Variants in STARD13 observed in about 807,000 individuals in gnomAD.
The protein encoded by STARD13 is StAR related lipid transfer domain containing 13.
A neutral mutation model predicts 106.4 loss-of-function variants in STARD13; 62 were observed. The observed-to-expected ratio is 0.58, with a 90% CI of 0.48 to 0.72. STARD13 has a LOEUF of 0.72. Ranked by LOEUF, STARD13 falls within the 30% of genes least tolerant of loss-of-function variation. The pLI is 0.00. For missense variants in STARD13, 1,387 were observed against 1,424.0 expected, an observed-to-expected ratio of 0.97 and a Z score of 0.42; for synonymous variants, 565 against 553.0, an observed-to-expected ratio of 1.02 and a Z score of -0.31.
At chr13:33,131,220 T>G (rs1454541284) in intron 4 of STARD13, among the ~76,000 whole-genome samples, 2 of 152,178 alleles carry the variant, frequency 1.3e-5, no homozygotes, top group Admixed American at 6.5e-5. Context: ...AATCATCGGA[T>G]CCTGCTTCAT....
intron 12 of STARD13, 109 bp from the exon 13 acceptor site, chr13:33,107,043 G>A: frequency 9.8e-7 from 1 of 1,022,688 alleles, no homozygotes; most frequent in Non-Finnish European, 1.4e-6. Flanking sequence ...CCTGGGCTCA[G>A]ATTCCAATGC....
At chr13:33,282,592 T>C (rs987028224) in intron 1 of STARD13, among the ~76,000 whole-genome samples, 1 of 152,186 alleles carries the variant, frequency 6.6e-6, no homozygotes, top group African/African-American at 2.4e-5. Flanking sequence ...CAAATTAACA[T>C]AATTCTAAAT....
chr13:33,382,504 C>T, the STARD13 span, among the ~76,000 whole-genome samples: 2 of 152,144 alleles, frequency 1.3e-5, no homozygotes, highest in East Asian at 1.9e-4. Flanking sequence ...TACTGTTGGT[C>T]CTTTCAGTAG....
At chr13:33,107,524 G>A (rs1873939366) in intron 12 of STARD13, among the ~76,000 whole-genome samples, 1 of 152,152 alleles carries the variant, frequency 6.6e-6, no homozygotes, top group East Asian at 1.9e-4. Context: ...GGTACGCTTA[G>A]CTTGAAGGAA....
chr13:33,186,213 C>T (rs1263209444), intron 1 of STARD13: 1 of 626,140 alleles, frequency 1.6e-6, no homozygotes, highest in East Asian at 2.9e-5. Context: ...ATTTGCATCA[C>T]AGCCTTAAAA....
chr13:33,414,987 C>T, the STARD13 span, among the ~76,000 whole-genome samples: 1 of 152,134 alleles, frequency 6.6e-6, no homozygotes, highest in Admixed American at 6.5e-5. Flanking sequence ...TCGCTTCCCT[C>T]TTTTTCTGTA....
chr13:33,583,986 A>G, the STARD13 span, among the ~76,000 whole-genome samples: 2 of 152,158 alleles, frequency 1.3e-5, no homozygotes, highest in Non-Finnish European at 2.9e-5. Flanking sequence ...ATGCCCAGAA[A>G]TGGAATTGCT....
At chr13:33,257,762 T>G (rs1244347854) in intron 1 of STARD13, among the ~76,000 whole-genome samples, 1 of 152,230 alleles carries the variant, frequency 6.6e-6, no homozygotes, top group Non-Finnish European at 1.5e-5. Flanking sequence ...TATTATTTGT[T>G]TAGTATTACC....
At chr13:33,323,823 C>A (rs1893645808) in intron 1 of STARD13, among the ~76,000 whole-genome samples, 1 of 152,164 alleles carries the variant, frequency 6.6e-6, no homozygotes, top group Admixed American at 6.5e-5. Flanking sequence ...CTCCTTGGTC[C>A]AGTCTAATTT....
the STARD13 span, among the ~76,000 whole-genome samples, chr13:33,675,198 GT>G: frequency 6.6e-6 from 1 of 152,156 alleles, no homozygotes; most frequent in Non-Finnish European, 1.5e-5. Context: ...CCCCCACAAT[GT>G]TTATGGCATG....
chr13:33,634,284 C>T, the STARD13 span, among the ~76,000 whole-genome samples: 1 of 152,280 alleles, frequency 6.6e-6, no homozygotes, highest in South Asian at 2.1e-4. Context: ...AGGAGCAGAT[C>T]ACCCCATGAA....
intron 3 of STARD13, among the ~76,000 whole-genome samples, chr13:33,161,958 G>T (rs1882679795): frequency 6.6e-6 from 1 of 152,068 alleles, no homozygotes; most frequent in African/African-American, 2.4e-5. Context: ...AACAGTATGG[G>T]GGAAACTGCC....
the STARD13 span, among the ~76,000 whole-genome samples, chr13:33,499,519 T>TTTCTTCTTCTTCTTC: frequency 5.4e-5 from 5 of 91,884 alleles, no homozygotes; most frequent in African/African-American, 1.2e-4. Flanking sequence ...TTCTTCTTTC[T>TTTCTTCTTCTTCTTC]TTCTTCTTCT....
At chr13:33,589,308 C>T in the STARD13 span, among the ~76,000 whole-genome samples, 37 of 152,184 alleles carry the variant, frequency 2.4e-4, no homozygotes, top group African/African-American at 8.7e-4. Context: ...TTCAGTTCTG[C>T]TCTGATCTTA....
At chr13:33,531,839 C>T in the STARD13 span, among the ~76,000 whole-genome samples, 2 of 152,184 alleles carry the variant, frequency 1.3e-5, no homozygotes, top group Non-Finnish European at 2.9e-5. Flanking sequence ...TTCTCAAGGA[C>T]ACAGACTATG....
chr13:33,559,532 A>G, the STARD13 span, among the ~76,000 whole-genome samples: 1 of 151,498 alleles, frequency 6.6e-6, no homozygotes, highest in African/African-American at 2.4e-5. Flanking sequence ...GTGAGGGTAC[A>G]TCTCCCATGA....
At chr13:33,355,988 A>G in the STARD13 span, among the ~76,000 whole-genome samples, 3 of 152,298 alleles carry the variant, frequency 2.0e-5, no homozygotes, top group Non-Finnish European at 4.4e-5. Context: ...TGTGTTTCAT[A>G]TTTTCCTGAT....
chr13:33,121,669 C>CTTTTTTTT lies in STARD13; in HGVS notation c.2083-3414_2083-3407dup, dbSNP rs398022242. ...ATGGAGAAGAAACCTGTTGTTCATC[C>CTTTTTTTT]TTTTTTTTTTTTTTTTTTGAGACAG... On this transcript the variant is annotated intron_variant, in intron 7 of 13. Transcript: ENST00000336934. Among the ~76,000 whole-genome samples, 9 of 110,480 alleles carry CTTTTTTTT rather than the reference C, an allele frequency of 8.1e-5. 1 individual carries two copies. Among genetic ancestry groups the CTTTTTTTT allele is most frequent in the Admixed American group, 1.1e-4 (1 of 9,384 alleles). The allele number at this position is 110,480 out of a possible 152,430, so 72.5% of individuals were successfully genotyped here. A position where few individuals can be genotyped will look rare whatever the true frequency, so the allele number is the denominator to read the frequency against.
chr13:33,379,130 G>A, the STARD13 span, among the ~76,000 whole-genome samples: 1 of 152,022 alleles, frequency 6.6e-6, no homozygotes, highest in Non-Finnish European at 1.5e-5. Flanking sequence ...AACAAGAAAC[G>A]TGATCTGACA....
Sources: gnomAD v4.1 joint callset for allele counts (sites outside exome capture counted in the v4.1 genomes callset) on GRCh38, gnomAD v4.1.1 for gene constraint, MANE v1.5 for transcripts, NCBI Gene and HGNC (gene_info 2026-07-23, HGNC 2026-07-21) for gene names.